Variants in PTPRD observed in about 807,000 individuals in gnomAD.
PTPRD encodes the protein protein tyrosine phosphatase receptor type D, also known as receptor-type tyrosine-protein phosphatase delta.
PTPRD carries 34 observed loss-of-function variants against 214.5 expected under a neutral mutation model. The observed-to-expected ratio is 0.16, with a 90% confidence interval of 0.12 to 0.21. The LOEUF (loss-of-function observed/expected upper bound fraction) is 0.21. PTPRD is among the 10% of genes least tolerant of loss of function. PTPRD has a pLI of 1.00. For missense variants in PTPRD, 2,545 were observed against 2,398.7 expected, an observed-to-expected ratio of 1.06 and a Z score of -1.27; for synonymous variants, 1,128 against 845.7, an observed-to-expected ratio of 1.33 and a Z score of -5.79.
At chr9:8,972,322 A>C (rs527698456) in intron 11 of PTPRD, among the ~76,000 whole-genome samples, 1 of 152,082 alleles carries the variant, frequency 6.6e-6, no homozygotes, top group South Asian at 2.1e-4. Flanking sequence ...AATAAAATAC[A>C]AAAGAATGAC....
intron 11 of PTPRD, among the ~76,000 whole-genome samples, chr9:8,802,396 C>T (rs2096589636): frequency 6.6e-6 from 1 of 152,130 alleles, no homozygotes; most frequent in African/African-American, 2.4e-5. Flanking sequence ...TCCAGCCACA[C>T]CTAAAGGCCC....
At chr9:10,261,487 A>C (rs2093696596) in intron 3 of PTPRD, among the ~76,000 whole-genome samples, 1 of 152,100 alleles carries the variant, frequency 6.6e-6, no homozygotes. Flanking sequence ...GTAAAACAAT[A>C]TAAATGCTCA....
intron 8 of PTPRD, among the ~76,000 whole-genome samples, chr9:9,486,215 C>T (rs918899793): frequency 7.1e-6 from 1 of 141,454 alleles, no homozygotes; most frequent in Non-Finnish European, 1.5e-5. Context: ...ATGTGAGCTC[C>T]CTCCTATGCA....
chr9:10,483,748 T>C (rs1049703214), intron 2 of PTPRD, among the ~76,000 whole-genome samples: 5 of 152,152 alleles, frequency 3.3e-5, no homozygotes, highest in African/African-American at 1.2e-4. Flanking sequence ...GTAGCCAGCA[T>C]GGCCATTATT....
At chr9:8,847,549 G>A (rs146027640) in intron 11 of PTPRD, among the ~76,000 whole-genome samples, 104 of 152,204 alleles carry the variant, frequency 6.8e-4, no homozygotes, top group African/African-American at 2.4e-3. Flanking sequence ...ATAAAAGACC[G>A]AGTAATTTTC....
chr9:9,138,029 AG>A (rs1373412712), intron 10 of PTPRD, among the ~76,000 whole-genome samples: 1 of 152,184 alleles, frequency 6.6e-6, no homozygotes, highest in African/African-American at 2.4e-5. Flanking sequence ...AAAGATGTTA[AG>A]GGATAGAGCT....
intron 2 of PTPRD, among the ~76,000 whole-genome samples, chr9:10,341,715 G>A (rs1020131631): frequency 6.6e-6 from 1 of 151,904 alleles, no homozygotes; most frequent in African/African-American, 2.4e-5. Context: ...TCTCTAAACT[G>A]CTGCTTATCT....
chr9:10,478,898 T>C (rs1185290683), intron 2 of PTPRD, among the ~76,000 whole-genome samples: 1 of 151,942 alleles, frequency 6.6e-6, no homozygotes, highest in Non-Finnish European at 1.5e-5. Context: ...GATCTTGAAA[T>C]GAAATTTCAA....
chr9:10,485,446 T>C (rs1393599421), intron 2 of PTPRD, among the ~76,000 whole-genome samples: 2 of 152,128 alleles, frequency 1.3e-5, no homozygotes, highest in Non-Finnish European at 2.9e-5. Flanking sequence ...CAGATTACTA[T>C]GGGTTGTATG....
rs554527775 is a variant in PTPRD at position 9,953,299 on chromosome 9, G to C, written c.-471-14689C>G. Among the ~76,000 whole-genome samples the C allele has an allele frequency of 5.9e-5, 9 of 152,154 alleles. No individual in the cohort carries two copies. In the South Asian group the frequency reaches 1.9e-3, roughly 32 times the overall value. ...ATCGAATCAGTTATAGGCATGAACA[G>C]AACAAAAGACTGACCTCACCTGAGC... On this transcript the variant is annotated intron_variant, in intron 4 of 45. Coordinates refer to ENST00000381196, the MANE Select transcript of PTPRD (RefSeq NM_002839.4).
intron 34 of PTPRD, among the ~76,000 whole-genome samples, chr9:8,442,050 G>A (rs903972258): frequency 1.3e-5 from 2 of 152,144 alleles, no homozygotes; most frequent in African/African-American, 4.8e-5. Context: ...CTTAACCTAG[G>A]TCATCTGTTT....
At chr9:10,486,005 C>T (rs961841854) in intron 2 of PTPRD, among the ~76,000 whole-genome samples, 1 of 148,474 alleles carries the variant, frequency 6.7e-6, no homozygotes, top group African/African-American at 2.5e-5. Context: ...AGTGTCTGTT[C>T]ACATCTTTTT....
intron 5 of PTPRD, among the ~76,000 whole-genome samples, chr9:9,811,944 G>T (rs545030644): frequency 5.3e-5 from 8 of 152,166 alleles, no homozygotes; most frequent in African/African-American, 1.9e-4. Flanking sequence ...GTCAATCAAC[G>T]TGGCAAACTT....
chr9:10,094,766 G>A (rs1177666243), intron 3 of PTPRD, among the ~76,000 whole-genome samples: 2 of 151,342 alleles, frequency 1.3e-5, no homozygotes, highest in African/African-American at 4.8e-5. Flanking sequence ...TGTGATGACA[G>A]TAAGCTAATT....
At chr9:10,246,819 G>T (rs1481331219) in intron 3 of PTPRD, among the ~76,000 whole-genome samples, 1 of 150,178 alleles carries the variant, frequency 6.7e-6, no homozygotes, top group African/African-American at 2.5e-5. Context: ...GCTTGAACCT[G>T]GGAGGCTGAG....
intron 11 of PTPRD, among the ~76,000 whole-genome samples, chr9:8,744,178 G>A (rs2092491275): frequency 6.8e-6 from 1 of 147,304 alleles, no homozygotes; most frequent in Non-Finnish European, 1.5e-5. Flanking sequence ...GGTGAAAAGG[G>A]AACACTTCTA....
intron 9 of PTPRD, among the ~76,000 whole-genome samples, chr9:9,198,221 G>A (rs571981218): frequency 1.3e-5 from 2 of 152,014 alleles, no homozygotes; most frequent in South Asian, 2.1e-4. Context: ...ATCTTTTGCA[G>A]TTTTCACTGG....
At chr9:10,438,295 T>C (rs959004491) in intron 2 of PTPRD, among the ~76,000 whole-genome samples, 2 of 151,596 alleles carry the variant, frequency 1.3e-5, no homozygotes, top group Non-Finnish European at 2.9e-5. Flanking sequence ...TCTGGAATTA[T>C]AAGGGTTCCA....
chr9:9,277,387 A>G (rs1946064849), intron 9 of PTPRD, among the ~76,000 whole-genome samples: 1 of 151,406 alleles, frequency 6.6e-6, no homozygotes, highest in Admixed American at 6.6e-5. Context: ...AGTAAAAGAA[A>G]ACATTGTGTA....
Sources: allele counts gnomAD v4.1 joint callset (sites outside exome capture counted in the v4.1 genomes callset), GRCh38; gene constraint gnomAD v4.1.1; transcripts MANE v1.5; gene names NCBI Gene and HGNC (gene_info 2026-07-23, HGNC 2026-07-21).